RDH12: variants seen among roughly 807,000 people sequenced by gnomAD.
RDH12 encodes retinol dehydrogenase 12.
A neutral mutation model predicts 34.0 loss-of-function variants in RDH12; 21 were observed. That is an observed-to-expected ratio of 0.62 (90% CI 0.44 to 0.89). The LOEUF (loss-of-function observed/expected upper bound fraction) is 0.89. Ranked by LOEUF, RDH12 falls within the 40% of genes least tolerant of loss-of-function variation. The pLI, the probability that RDH12 is intolerant of heterozygous loss-of-function variation, is 0.00. For missense variants in RDH12, 394 were observed against 398.6 expected (o/e 0.99, Z 0.10); for synonymous variants, 198 against 169.9 (o/e 1.17, Z -1.29).
intron 7 of RDH12, among the ~76,000 whole-genome samples, chr14:67,728,824 A>C (rs1385808338): frequency 6.6e-6 from 1 of 151,918 alleles, no homozygotes; most frequent in Non-Finnish European, 1.5e-5. Context: ...TTCCAATCAG[A>C]TCGCTACCCC....
chr14:67,729,155 T>TG, intron 7 of RDH12, 36 bp from the exon 8 acceptor site: 2 of 1,603,194 alleles, frequency 1.2e-6, no homozygotes, highest in South Asian at 2.2e-5. Context: ...GGGCTCAGAG[T>TG]GTGTCCCTGA....
intron 1 of RDH12, among the ~76,000 whole-genome samples, chr14:67,720,385 T>G: frequency 6.6e-6 from 1 of 152,236 alleles, no homozygotes; most frequent in Non-Finnish European, 1.5e-5. Flanking sequence ...TTTTAAGTTT[T>G]AGTTTTCAGT....
At chr14:67,704,087 C>A (rs118073017) in intron 1 of RDH12, among the ~76,000 whole-genome samples, 121 of 152,232 alleles carry the variant, frequency 7.9e-4, no homozygotes, top group Non-Finnish European at 1.5e-3. Flanking sequence ...TTTCATTCTG[C>A]AGTTGTTTTG....
chr14:67,733,966 T>C lies in RDH12; in HGVS notation c.*118T>C, dbSNP rs1054448362. ...GCCAGCTGGTGCTGCGAATCCTGCC[T>C]GCTCTGATCCTCTTGACCCTTCTGG... On this transcript the variant is annotated 3_prime_UTR_variant, in exon 9 of 9. Transcript: ENST00000551171. 4 of 717,918 alleles carry C rather than the reference T, an allele frequency of 5.6e-6. No homozygotes were observed. Among genetic ancestry groups the C allele is most frequent in the Non-Finnish European group, 9.9e-6 (4 of 402,288 alleles). The allele number at this position is 717,918 out of a possible 1,614,324, so 44.5% of individuals were successfully genotyped here. A position where few individuals can be genotyped will look rare whatever the true frequency, so the allele number is the denominator to read the frequency against.
chr14:67,729,861 T>C (rs776507124), intron 8 of RDH12: 6 of 455,262 alleles, frequency 1.3e-5, no homozygotes, highest in Admixed American at 2.4e-5. Flanking sequence ...CTGAATCTTA[T>C]CATGAACTCA....
rs1594865434 is a variant in RDH12, at chr14:67,725,236, G to C, written c.325G>C (p.Ala109Pro). 2 of 1,613,522 alleles carry C rather than the reference G, an allele frequency of 1.2e-6. No individual in the cohort carries two copies. Among genetic ancestry groups the C allele is most frequent in the Non-Finnish European group, 1.7e-6 (2 of 1,180,006 alleles). ...CGACACCAAATCTATCCGAGCCTTT[G>C]CTGAGGGCTTTCTGGCAGGTGAGGT... ...LSDTKSIRAF[A>P]EGFLAEEKQL... Residue 109 changes from alanine (A) to proline (P), a missense_variant, in exon 5 of 9, where the codon GCT becomes CCT. Coordinates refer to ENST00000551171, the MANE Select transcript of RDH12 (RefSeq NM_152443.3).
At chr14:67,732,447 C>T in intron 8 of RDH12, among the ~76,000 whole-genome samples, 1 of 146,610 alleles carries the variant, frequency 6.8e-6, no homozygotes, top group Non-Finnish European at 1.5e-5. Flanking sequence ...AAAAAAAAAT[C>T]CTCCTCAAAC....
At chr14:67,730,435 C>T (rs533077230) in intron 8 of RDH12, among the ~76,000 whole-genome samples, 1 of 152,178 alleles carries the variant, frequency 6.6e-6, no homozygotes, top group South Asian at 2.1e-4. Flanking sequence ...ATTCGGAGTC[C>T]GGAATATTTC....
chr14:67,733,716 T>C, intron 8 of RDH12, 30 bp from the exon 9 acceptor site: 2 of 1,464,642 alleles, frequency 1.4e-6, no homozygotes. Flanking sequence ...TTCTCATTCC[T>C]GGAATTTACT....
intron 1 of RDH12, among the ~76,000 whole-genome samples, chr14:67,705,099 G>A (rs1381572053): frequency 6.6e-6 from 1 of 152,190 alleles, no homozygotes; most frequent in Non-Finnish European, 1.5e-5. Context: ...CAAATGTGAG[G>A]ATCAATCTGG....
intron 8 of RDH12, among the ~76,000 whole-genome samples, chr14:67,731,682 T>A (rs1422356083): frequency 2.6e-5 from 4 of 152,090 alleles, no homozygotes; most frequent in Non-Finnish European, 5.9e-5. Context: ...AAAACTGGAA[T>A]ACAAAACTAT....
At chr14:67,703,021 T>C (rs747031789) in intron 1 of RDH12, among the ~76,000 whole-genome samples, 4 of 152,178 alleles carry the variant, frequency 2.6e-5, no homozygotes, top group South Asian at 2.1e-4. Context: ...AGTCTCACTA[T>C]GTTGCCAGGG....
At chr14:67,703,924 C>A (rs924340033) in intron 1 of RDH12, among the ~76,000 whole-genome samples, 1 of 152,158 alleles carries the variant, frequency 6.6e-6, no homozygotes, top group Non-Finnish European at 1.5e-5. Flanking sequence ...GTGTTCTTCC[C>A]ACCTCAGCAT....
chr14:67,704,050 G>T (rs1287210930), intron 1 of RDH12, among the ~76,000 whole-genome samples: 4 of 152,126 alleles, frequency 2.6e-5, no homozygotes, highest in African/African-American at 9.7e-5. Flanking sequence ...TGTTGGATTC[G>T]TATTTTTATG....
intron 8 of RDH12, among the ~76,000 whole-genome samples, chr14:67,731,743 C>T (rs2038279143): frequency 6.6e-6 from 1 of 152,050 alleles, no homozygotes; most frequent in Non-Finnish European, 1.5e-5. Flanking sequence ...AGCCACTGGG[C>T]AGTAGTGGTT....
chr14:67,731,270 A>G (rs1043790295), intron 8 of RDH12, among the ~76,000 whole-genome samples: 6 of 138,272 alleles, frequency 4.3e-5, no homozygotes, highest in Admixed American at 3.2e-4. Flanking sequence ...GCTGGAGTGC[A>G]ATGGCATGAT....
chr14:67,708,682 G>A (rs923892010), intron 1 of RDH12, among the ~76,000 whole-genome samples: 1 of 151,744 alleles, frequency 6.6e-6, no homozygotes, highest in Non-Finnish European at 1.5e-5. Context: ...TACAAATACA[G>A]CCCAAAGAAA....
intron 8 of RDH12, among the ~76,000 whole-genome samples, chr14:67,730,883 C>T (rs892538130): frequency 6.6e-6 from 1 of 152,072 alleles, no homozygotes; most frequent in Admixed American, 6.5e-5. Context: ...GGATTACAGG[C>T]GTGAGCCACC....
chr14:67,703,981 C>T (rs2037927008), intron 1 of RDH12, among the ~76,000 whole-genome samples: 1 of 152,138 alleles, frequency 6.6e-6, no homozygotes, highest in African/African-American at 2.4e-5. Context: ...CTTGGCCTGG[C>T]ATGTCTTAAT....
Sources: allele counts gnomAD v4.1 joint callset (sites outside exome capture counted in the v4.1 genomes callset), GRCh38; gene constraint gnomAD v4.1.1; transcripts MANE v1.5; gene names NCBI Gene and HGNC (gene_info 2026-07-23, HGNC 2026-07-21).